Variants in EPN3 observed in about 807,000 individuals in gnomAD.
EPN3 encodes epsin-3.
In EPN3, 56 loss-of-function variants were observed where a neutral mutation model predicts 55.5. That is an observed-to-expected ratio of 1.01 (90% CI 0.81 to 1.26). The LOEUF (loss-of-function observed/expected upper bound fraction) is 1.26, where lower values mean the gene tolerates loss of function less well. EPN3 is among the 50% of genes most tolerant of loss of function. The pLI is 0.00. For synonymous variants in EPN3, 449 were observed against 375.2 expected, an observed-to-expected ratio of 1.20 and a Z score of -2.27; for missense variants, 927 against 853.4, an observed-to-expected ratio of 1.09 and a Z score of -1.07.
Position 50,542,285 on chromosome 17 carries a change from C to T in EPN3, c.*128C>T. 3 of 1,077,456 alleles carry T rather than the reference C, an allele frequency of 2.8e-6. No homozygotes were observed. Among genetic ancestry groups the T allele is most frequent in the South Asian group, 2.0e-5 (1 of 50,176 alleles). 66.7% of individuals were successfully genotyped at this position (1,077,456 alleles called of 1,614,324 possible). ...GCCAGTGGCGGCTGGTATCCCGCGG[C>T]GGCTCTGGAAGCTGGACGCGGACCA... On this transcript the variant is annotated 3_prime_UTR_variant, in exon 10 of 10. Transcript: ENST00000268933.
chr17:50,536,566 T>C lies in EPN3; in HGVS notation c.10T>C (p.Ser4Pro), dbSNP rs2034765253. The C allele has an allele frequency of 6.2e-7, 1 of 1,613,654 alleles. No individual in the cohort carries two copies. Among genetic ancestry groups the C allele is most frequent in the African/African-American group, 1.3e-5 (1 of 74,882 alleles). The change falls in exon 2 of 10, where the codon TCC becomes CCC. Residue 4 changes from serine (S) to proline (P), a missense_variant. Transcript: ENST00000268933. The part of the protein sequence containing the change: MTT[S>P]ALRRQVKNIV... Reference sequence around the variant, plus strand: ...CTCCAAGTCTCCAGCCATGACGACCTCCGCACTCCGGCGCCAGGTGAAGAA... The same window carrying C: ...CTCCAAGTCTCCAGCCATGACGACCCCCGCACTCCGGCGCCAGGTGAAGAA...
chr17:50,540,908 C>T lies in EPN3; in HGVS notation c.1095C>T (p.Pro365=). The change falls in exon 7 of 10, where the codon CCC becomes CCT. Residue 365 remains proline, a synonymous_variant. Transcript: ENST00000268933. ...GAAGCCAGCCCTGGGATCTGACTCC[C>T]ATGCTCTCCTCCTCTGAGCCCTGGG... ...LSRSQPWDLT[P]MLSSSEPWGR... 11 of 1,614,180 alleles carry T rather than the reference C, an allele frequency of 6.8e-6. No individual in the cohort carries two copies. Among genetic ancestry groups the T allele is most frequent in the Non-Finnish European group, 9.3e-6 (11 of 1,180,020 alleles).
At chr17:50,535,401 A>G (rs956790846) in intron 1 of EPN3, among the ~76,000 whole-genome samples, 2 of 152,168 alleles carry the variant, frequency 1.3e-5, no homozygotes, top group African/African-American at 4.8e-5. Context: ...TCTGGCCTCA[A>G]CACTTCCATG....
chr17:50,540,003 G>C (rs2034822633), intron 5 of EPN3, among the ~76,000 whole-genome samples: 1 of 152,188 alleles, frequency 6.6e-6, no homozygotes, highest in African/African-American at 2.4e-5. Context: ...GCGCTGGCTG[G>C]CTCATCCATA....
rs1382308531 is a variant in EPN3 at position 50,538,152 on chromosome 17, G to A, written c.636G>A (p.Leu212=). Residue 212 remains leucine, a synonymous_variant, in exon 3 of 10, where the codon CTG becomes CTA. Coordinates refer to ENST00000268933, the MANE Select transcript of EPN3 (RefSeq NM_017957.3). The stretch of plus-strand genomic sequence containing the variant: ...CTCAGACGTCAGGGGAAGAGGAACT[G>A]CAGCTGCAGCTGGCCCTCGCCATGA... ...ARPQTSGEEE[L]QLQLALAMSR... is the part of the protein sequence containing the mutation. 1 of 1,613,382 alleles carries A rather than the reference G, an allele frequency of 6.2e-7. No homozygotes were observed. Among genetic ancestry groups the A allele is most frequent in the African/African-American group, 1.3e-5 (1 of 74,942 alleles).
At chr17:50,536,141 G>C (rs1375868990) in intron 1 of EPN3, 2 of 201,550 alleles carry the variant, frequency 9.9e-6, no homozygotes, top group Non-Finnish European at 2.0e-5. Flanking sequence ...ACAGGCGTGA[G>C]CCACTGCACC....
Position 50,536,603 on chromosome 17 carries a change from A to T in EPN3, c.47A>T (p.Asn16Ile). 1.9e-6 allele frequency: 3 copies of T among 1,614,042 alleles called. No individual in the cohort carries two copies. The highest frequency in any genetic ancestry group is 2.5e-6 in the Non-Finnish European group (3 of 1,180,004). The change falls in exon 2 of 10, where the codon AAC becomes ATC. Residue 16 changes from asparagine (N) to isoleucine (I), a missense_variant. Asn to Ile is a moderately radical substitution (Grantham distance 149, BLOSUM62 -3). Transcript: ENST00000268933. ...CGCCAGGTGAAGAACATCGTGCACA[A>T]CTACTCCGAGGCAGAAATCAAGGTG... ...LRRQVKNIVH[N>I]YSEAEIKVRE...
chr17:50,537,027 G>A lies in EPN3; in HGVS notation c.471G>A (p.Glu157=), dbSNP rs750829727. The change falls in exon 2 of 10, where the codon GAG becomes GAA. Residue 157 remains glutamate, a synonymous_variant. Transcript: ENST00000268933. ...AGACCAAGGAGCGCATGGCACTGGA[G>A]GGCATCGGCATTGGCAGTGGGCAGC... ...ALKTKERMAL[E]GIGIGSGQLG... 5 of 1,613,156 alleles carry A rather than the reference G, an allele frequency of 3.1e-6. No individual in the cohort carries two copies. The South Asian group carries it at 5.5e-5, about 18-fold the overall frequency.
Position 50,536,505 on chromosome 17 carries a change from A to G in EPN3, c.-52A>G, listed in dbSNP as rs889898748. ...CTGTGACCTCGCCACAGTGGCCCTC[A>G]GCCCTCCACCTCCGGCGGGGGCGAG... On this transcript the variant is annotated 5_prime_UTR_variant, in exon 2 of 10. Transcript: ENST00000268933. 5.0e-6 allele frequency: 8 copies of G among 1,609,596 alleles called. No individual in the cohort carries two copies. In the African/African-American group the frequency reaches 9.4e-5, roughly 19 times the overall value.
rs2034690422 is a variant in EPN3, at chr17:50,532,851, C to T, written c.-271C>T. 1 of 1,278,548 alleles carries T rather than the reference C, an allele frequency of 7.8e-7. No homozygotes were observed. Among genetic ancestry groups the T allele is most frequent in the South Asian group, 1.2e-5 (1 of 80,494 alleles). The allele number at this position is 1,278,548 out of a possible 1,614,324, so 79.2% of individuals were successfully genotyped here. A position where few individuals can be genotyped will look rare whatever the true frequency, so the allele number is the denominator to read the frequency against. On this transcript the variant is annotated 5_prime_UTR_variant, in exon 1 of 10. Transcript: ENST00000268933. Reference sequence around the variant, plus strand: ...CTGCACCTCCTGGGAGCAGGTGGGTCTCTGGGACGAGGGTCCATGGTGGAT... The same window carrying T: ...CTGCACCTCCTGGGAGCAGGTGGGTTTCTGGGACGAGGGTCCATGGTGGAT...
At chr17:50,537,495 G>A in intron 2 of EPN3, 1 of 259,984 alleles carries the variant, frequency 3.8e-6, no homozygotes, top group Non-Finnish European at 7.4e-6. Flanking sequence ...TACCTCCATT[G>A]TTTGATCTGA....
rs896182280 is a variant in EPN3 at position 50,541,471 on chromosome 17, C to G, written c.1362C>G (p.Asp454Glu). 14 of 1,613,876 alleles carry G rather than the reference C, an allele frequency of 8.7e-6. No homozygotes were observed. The Admixed American group carries it at 2.3e-4, about 27-fold the overall frequency. The change falls in exon 9 of 10, where the codon GAC (aspartate) becomes GAG (glutamate). Residue 454 changes from aspartate to glutamate, a missense_variant. Physicochemically the swap from Asp to Glu is conservative, Grantham distance 45. Transcript: ENST00000268933. ...CTAGCATTTCTATTCCAGAGCTGGA[C>G]CTGTTTGGAGACCCCAGCCCCAGTT... ...SGKPSSPVEL[D>E]LFGDPSPSSK...
Position 50,540,998 on chromosome 17 carries a change from CCACAAACTCCCCAG to C in EPN3, c.1189_1202del (p.Lys397TrpfsTer3), listed in dbSNP as rs753508796. 969 of 1,608,006 alleles carry C rather than the reference CCACAAACTCCCCAG, an allele frequency of 6.0e-4. No homozygotes were observed. The highest frequency in any genetic ancestry group is 2.8e-3 in the Middle Eastern group (17 of 6,050). ...ACCCCTGGGCCCTGAACTCTCCCCA[CCACAAACTCCCCAG>C]CACTGGGGCTGACCCTTGGGGAGCC... On this transcript the variant is annotated frameshift_variant, in exon 7 of 10. Transcript: ENST00000268933. LOFTEE classifies it high-confidence loss of function.
chr17:50,532,961 G>A lies in EPN3; in HGVS notation c.-161G>A. Reference sequence around the variant, plus strand: ...CGCAGAGGCTACTCGGGCTGGGGCTGGGGCCGAGGGAGCCCGCACTGGAGG... The same window carrying A: ...CGCAGAGGCTACTCGGGCTGGGGCTAGGGCCGAGGGAGCCCGCACTGGAGG... On this transcript the variant is annotated 5_prime_UTR_variant, in exon 1 of 10. Transcript: ENST00000268933. The A allele has an allele frequency of 7.8e-7, 1 of 1,285,578 alleles. No homozygotes were observed. The highest frequency in any genetic ancestry group is 1.2e-5 in the South Asian group (1 of 80,762). 79.6% of individuals were successfully genotyped at this position (1,285,578 alleles called of 1,614,324 possible).
Position 50,538,046 on chromosome 17 carries a change from C to T in EPN3, c.563-33C>T, listed in dbSNP as rs114092203. 3,666 of 1,546,998 alleles carry T rather than the reference C, an allele frequency of 2.4e-3. 80 individuals carry two copies. The African/African-American group carries it at 0.045, about 19-fold the overall frequency. On this transcript the variant is annotated intron_variant, in intron 2 of 9. Coordinates refer to ENST00000268933, the MANE Select transcript of EPN3 (RefSeq NM_017957.3). ...AGGGGTGTGGGAGCCGATGGGTAAT[C>T]GTGTGGTCACAGAGACATGATGGTC...
Position 50,538,970 on chromosome 17 carries a change from G to C in EPN3, c.762+6G>C. 6.3e-7 allele frequency: 1 copy of C among 1,596,614 alleles called. No individual in the cohort carries two copies. Among genetic ancestry groups the C allele is most frequent in the East Asian group, 2.2e-5 (1 of 44,546 alleles). On this transcript the variant is annotated splice_donor_region_variant and intron_variant, in intron 4 of 9. Coordinates refer to ENST00000268933, the MANE Select transcript of EPN3 (RefSeq NM_017957.3). ...GCCGGCAGGAGCACGAGAAGGTAGTGGGCCGAGCCCGCTGGGCTGCCGGTG... is the reference window on the plus strand; with the variant it reads ...GCCGGCAGGAGCACGAGAAGGTAGTCGGCCGAGCCCGCTGGGCTGCCGGTG...
chr17:50,541,969 G>T lies in EPN3; in HGVS notation c.1711G>T (p.Gly571Cys). The T allele has an allele frequency of 6.3e-7, 1 of 1,597,094 alleles. No individual in the cohort carries two copies. The highest frequency in any genetic ancestry group is 1.7e-4 in the Middle Eastern group (1 of 6,002). The change falls in exon 10 of 10, where the codon GGC (glycine) becomes TGC (cysteine). Residue 571 changes from glycine (G) to cysteine (C), a missense_variant. Gly to Cys is a radical substitution (Grantham distance 159). Transcript: ENST00000268933. Reference sequence around the variant, plus strand: ...AGGCGGGCCTGTGGGGGCGCCCCTGGGCTCCATGACCTACAGCGCCTCTCT... The same window carrying T: ...AGGCGGGCCTGTGGGGGCGCCCCTGTGCTCCATGACCTACAGCGCCTCTCT... Reference protein sequence around the residue: ...LAGGPVGAPLGSMTYSASLPL... With the variant: ...LAGGPVGAPLCSMTYSASLPL...
rs1020241320 is a variant in EPN3 at position 50,543,563 on chromosome 17, C to T, written c.*1406C>T. The T allele has an allele frequency of 2.0e-5, 3 of 152,300 alleles. No homozygotes were observed. Among genetic ancestry groups the T allele is most frequent in the South Asian group, 2.1e-4 (1 of 4,824 alleles). 9.4% of individuals were successfully genotyped at this position (152,300 alleles called of 1,614,324 possible). Reference sequence around the variant, plus strand: ...GAGTGGAGAGGCACAATGCCACTCCCCTTCCTGAGGTGGGGGTAGGGGAAG... The same window carrying T: ...GAGTGGAGAGGCACAATGCCACTCCTCTTCCTGAGGTGGGGGTAGGGGAAG... On this transcript the variant is annotated 3_prime_UTR_variant, in exon 10 of 10. Transcript: ENST00000268933.
chr17:50,536,520 G>A lies in EPN3; in HGVS notation c.-37G>A. 4 of 1,611,800 alleles carry A rather than the reference G, an allele frequency of 2.5e-6. No homozygotes were observed. The highest frequency in any genetic ancestry group is 3.4e-6 in the Non-Finnish European group (4 of 1,179,966). On this transcript the variant is annotated 5_prime_UTR_variant, in exon 2 of 10. Coordinates refer to ENST00000268933, the MANE Select transcript of EPN3 (RefSeq NM_017957.3). Reference sequence around the variant, plus strand: ...AGTGGCCCTCAGCCCTCCACCTCCGGCGGGGGCGAGGGCCACCCACCTCCA... The same window carrying A: ...AGTGGCCCTCAGCCCTCCACCTCCGACGGGGGCGAGGGCCACCCACCTCCA...
Sources: allele counts gnomAD v4.1 joint callset (sites outside exome capture counted in the v4.1 genomes callset), GRCh38; gene constraint gnomAD v4.1.1; transcripts MANE v1.5; gene names NCBI Gene and HGNC (gene_info 2026-07-23, HGNC 2026-07-21).